FADS2: variants seen among roughly 807,000 people sequenced by gnomAD.
FADS2 encodes the protein acyl-CoA 6-desaturase.
FADS2 carries 18 observed loss-of-function variants against 61.2 expected under a neutral mutation model. The observed-to-expected ratio is 0.29, with a 90% CI of 0.20 to 0.44. FADS2 has a LOEUF of 0.44. Ranked by LOEUF, FADS2 falls within the 20% of genes least tolerant of loss-of-function variation. FADS2 has a pLI of 1.00. For synonymous variants in FADS2, 203 were observed against 223.9 expected, an observed-to-expected ratio of 0.91 and a Z score of 0.83; for missense variants, 322 against 572.7, an observed-to-expected ratio of 0.56 and a Z score of 4.47.
At chr11:61,853,335 T>TTC (rs1565334638) in intron 5 of FADS2, among the ~76,000 whole-genome samples, 1 of 74,558 alleles carries the variant, frequency 1.3e-5, no homozygotes, top group Non-Finnish European at 2.9e-5. Flanking sequence ...TTCCTTCCTT[T>TTC]CCTTCTTTCT....
intron 1 of FADS2, among the ~76,000 whole-genome samples, chr11:61,831,350 C>A (rs2067127203): frequency 6.6e-6 from 1 of 152,108 alleles, no homozygotes; most frequent in Non-Finnish European, 1.5e-5. Flanking sequence ...AGTTTGGATT[C>A]CCTGCAACAT....
chr11:61,819,350 C>T (rs1020212334), intron 1 of FADS2, among the ~76,000 whole-genome samples: 12 of 152,024 alleles, frequency 7.9e-5, no homozygotes, highest in Admixed American at 3.3e-4. Flanking sequence ...TCGAGGCAGG[C>T]GGATTGCCTG....
At chr11:61,850,258 C>CT (rs879466687) in intron 5 of FADS2, among the ~76,000 whole-genome samples, 74 of 148,188 alleles carry the variant, frequency 5.0e-4, no homozygotes, top group South Asian at 1.5e-3. Context: ...CTTTTCTTTT[C>CT]TTTTTTTTTT....
chr11:61,816,796 G>A lies in FADS2; in HGVS notation c.141+370G>A. On this transcript the variant is annotated intron_variant, in intron 1 of 11. Transcript: ENST00000257261. The surrounding 1 kb of genome is among the most constrained non-coding windows in gnomAD (Gnocchi z 7.0). ...GACGCCGCGCGCCGGGCCAGCAGGG[G>A]CTGTCAGGCGCGTGCTCGGGGTCCG... 2 of 1,502,672 alleles carry A rather than the reference G, an allele frequency of 1.3e-6. No individual in the cohort carries two copies. Among genetic ancestry groups the A allele is most frequent in the East Asian group, 2.6e-5 (1 of 38,420 alleles). 93.1% of individuals were successfully genotyped at this position (1,502,672 alleles called of 1,614,324 possible).
At chr11:61,857,399 T>A in intron 6 of FADS2, 55 bp from the exon 7 acceptor site, 1 of 1,536,766 alleles carries the variant, frequency 6.5e-7, no homozygotes, top group Admixed American at 1.7e-5. Context: ...CCCCTGACCT[T>A]CCGGCACAGG....
At chr11:61,838,352 C>T (rs1365977611) in intron 2 of FADS2, among the ~76,000 whole-genome samples, 3 of 152,152 alleles carry the variant, frequency 2.0e-5, no homozygotes, top group African/African-American at 7.2e-5. Context: ...AATAGCAACC[C>T]CTGAGGTCTC....
At chr11:61,837,732 A>C in intron 1 of FADS2, 46 bp from the exon 2 acceptor site, 1 of 1,344,604 alleles carries the variant, frequency 7.4e-7, no homozygotes, top group African/African-American at 1.4e-5. Flanking sequence ...GCCCAAGAGC[A>C]GACAGAGTTC....
chr11:61,827,924 T>G, upstream of FADS2: 4 of 589,198 alleles, frequency 6.8e-6, no homozygotes, highest in Non-Finnish European at 8.6e-6. The surrounding 1 kb of genome is among the most constrained non-coding windows in gnomAD (Gnocchi z 4.5). Flanking sequence ...CCGCTGGCCT[T>G]CGAAAGATCC....
intron 2 of FADS2, among the ~76,000 whole-genome samples, chr11:61,839,029 G>A (rs1011952587): frequency 6.6e-6 from 1 of 151,978 alleles, no homozygotes; most frequent in African/African-American, 2.4e-5. Context: ...TGTGGGTACC[G>A]CTCCTCTCCT....
At chr11:61,842,362 C>T (rs1206145818) in intron 4 of FADS2, among the ~76,000 whole-genome samples, 1 of 152,242 alleles carries the variant, frequency 6.6e-6, no homozygotes, top group Admixed American at 6.5e-5. Context: ...TCATTTTATA[C>T]TCTTCTCTGT....
chr11:61,836,546 T>C (rs1295961349), intron 1 of FADS2, among the ~76,000 whole-genome samples: 1 of 152,102 alleles, frequency 6.6e-6, no homozygotes, highest in Admixed American at 6.5e-5. Context: ...TTGTTTATTC[T>C]TAGTAGAGAC....
At chr11:61,831,245 G>A (rs1399887091) in intron 1 of FADS2, among the ~76,000 whole-genome samples, 1 of 152,192 alleles carries the variant, frequency 6.6e-6, no homozygotes, top group African/African-American at 2.4e-5. Context: ...TTGAGCAAGT[G>A]GCTTTGCCCC....
chr11:61,826,589 G>A (rs372297832), upstream of FADS2: 3 of 590,676 alleles, frequency 5.1e-6, no homozygotes, highest in East Asian at 8.4e-5. Flanking sequence ...CATACTCTCT[G>A]GAGGTCTTGC....
chr11:61,850,439 C>T (rs547167887), intron 5 of FADS2, among the ~76,000 whole-genome samples: 62 of 152,086 alleles, frequency 4.1e-4, no homozygotes, highest in Non-Finnish European at 2.4e-4. Context: ...TTAGTAGAGA[C>T]GGGGTTTCAC....
chr11:61,832,278 G>A (rs1415067514), intron 1 of FADS2, among the ~76,000 whole-genome samples: 1 of 152,218 alleles, frequency 6.6e-6, no homozygotes, highest in Non-Finnish European at 1.5e-5. Flanking sequence ...ATCGAAAGTG[G>A]AACTCTGGCC....
chr11:61,824,890 A>G (rs174566), upstream of FADS2, among the ~76,000 whole-genome samples: 52,159 of 151,924 alleles, frequency 0.34, 9,788 homozygotes, highest in East Asian at 0.55. Flanking sequence ...ACCCTTCTGC[A>G]GTAAGAGAGA....
At chr11:61,829,031 C>G (rs1176387013) in intron 1 of FADS2, among the ~76,000 whole-genome samples, 1 of 152,258 alleles carries the variant, frequency 6.6e-6, no homozygotes, top group Non-Finnish European at 1.5e-5. Context: ...GTGTGGGACT[C>G]CGCGCTTGTC....
rs183072205 is a variant in FADS2 at position 61,857,211 on chromosome 11, G to C, written c.805+140G>C. 2.2e-3 allele frequency: 1,795 copies of C among 813,656 alleles called. 5 individuals carry two copies. The highest frequency in any genetic ancestry group is 2.6e-3 in the Non-Finnish European group (1,273 of 483,398). The allele number at this position is 813,656 out of a possible 1,614,324, so 50.4% of individuals were successfully genotyped here. A position where few individuals can be genotyped will look rare whatever the true frequency, so the allele number is the denominator to read the frequency against. ...TAGAAGCGGGGGCCACAGCAGCCTT[G>C]CTGTGCAGACCCCTCAGCCTGTGTT... On this transcript the variant is annotated intron_variant, in intron 6 of 11. Coordinates refer to ENST00000278840, the MANE Select transcript of FADS2 (RefSeq NM_004265.4).
Position 61,837,780 on chromosome 11 carries a change from T to C in FADS2, c.210T>C (p.Asp70=), listed in dbSNP as rs761308406. 1 of 1,609,200 alleles carries C rather than the reference T, an allele frequency of 6.2e-7. No individual in the cohort carries two copies. The highest frequency in any genetic ancestry group is 1.1e-5 in the South Asian group (1 of 90,038). Reference sequence around the variant, plus strand: ...CATCACTGCCCTCTGCTCTCCAGGATGCCTTCCGCGCCTTCCACCCTGACC... The same window carrying C: ...CATCACTGCCCTCTGCTCTCCAGGACGCCTTCCGCGCCTTCCACCCTGACC... ...IGHYAGEDAT[D]AFRAFHPDLE... Residue 70 remains aspartate, a splice_region_variant and synonymous_variant, in exon 2 of 12, where the codon GAT becomes GAC. Coordinates refer to ENST00000278840, the MANE Select transcript of FADS2 (RefSeq NM_004265.4).
Sources: allele counts gnomAD v4.1 joint callset (sites outside exome capture counted in the v4.1 genomes callset), GRCh38; gene constraint gnomAD v4.1.1; non-coding constraint Gnocchi (gnomAD v3.1); transcripts MANE v1.5; gene names NCBI Gene and HGNC (gene_info 2026-07-23, HGNC 2026-07-21).